Variants in CEMIP observed in about 807,000 individuals in gnomAD.
CEMIP encodes cell migration inducing hyaluronidase 1, also known as cell migration-inducing and hyaluronan-binding protein.
Under a neutral mutation model 156.9 loss-of-function variants are expected in CEMIP, and 105 were observed. The ratio of observed to expected loss-of-function variants is 0.67; its 90% CI spans 0.57 to 0.79. The LOEUF is 0.79. Among genes scored for constraint, CEMIP ranks in the 30% least tolerant of loss-of-function variants. CEMIP has a pLI of 0.00. For missense variants in CEMIP, 1,457 were observed against 1,769.4 expected (o/e 0.82, Z 3.17); for synonymous variants, 676 against 668.4 (o/e 1.01, Z -0.17).
chr15:80,809,916 C>T (rs1896616017), intron 1 of CEMIP, among the ~76,000 whole-genome samples: 1 of 152,194 alleles, frequency 6.6e-6, no homozygotes, highest in Non-Finnish European at 1.5e-5. Context: ...CAGCCAGAGA[C>T]TACTTTCTTC....
At chr15:80,880,677 C>A (rs751135349) in intron 5 of CEMIP, among the ~76,000 whole-genome samples, 5 of 152,202 alleles carry the variant, frequency 3.3e-5, no homozygotes, top group Admixed American at 6.5e-5. Flanking sequence ...CTCAAGTGAT[C>A]TGCCTGTCTC....
intron 9 of CEMIP, 91 bp downstream of exon 9, chr15:80,888,887 A>G (rs1898941557): frequency 1.8e-6 from 2 of 1,109,378 alleles, no homozygotes; most frequent in African/African-American, 3.1e-5. Flanking sequence ...TATCTCTTAT[A>G]CCAGTAGGAC....
intron 28 of CEMIP, among the ~76,000 whole-genome samples, chr15:80,945,131 C>A (rs1901494882): frequency 6.6e-6 from 1 of 152,250 alleles, no homozygotes; most frequent in Non-Finnish European, 1.5e-5. Flanking sequence ...GCTGCTCACA[C>A]CAGAAACATC....
At chr15:80,944,469 G>C (rs1314508545) in intron 28 of CEMIP, among the ~76,000 whole-genome samples, 2 of 151,982 alleles carry the variant, frequency 1.3e-5, no homozygotes, top group Admixed American at 6.5e-5. Flanking sequence ...GCCACAACCT[G>C]GTGGAAAGTC....
rs375813681 is a variant in CEMIP, at chr15:80,931,958, C to T, written c.2712C>T (p.Ser904=). 12 of 1,614,108 alleles carry T rather than the reference C, an allele frequency of 7.4e-6. No individual in the cohort carries two copies. Among genetic ancestry groups the T allele is most frequent in the Admixed American group, 3.3e-5 (2 of 60,010 alleles). Residue 904 remains serine, a synonymous_variant, in exon 22 of 30, where the codon AGC becomes AGT. Transcript: ENST00000394685. ...TGGCCCTGGAGGGCCGGCACACCAG[C>T]GCCCTGGCCTTCCGCCTGAATAATG... ...KFVALEGRHT[S]ALAFRLNNAW... is the part of the protein sequence containing the mutation.
At chr15:80,877,923 T>G (rs1290507191) in intron 3 of CEMIP, among the ~76,000 whole-genome samples, 3 of 152,210 alleles carry the variant, frequency 2.0e-5, no homozygotes, top group African/African-American at 7.2e-5. Flanking sequence ...CTGGCAGCCT[T>G]CCAGACAGCC....
rs1455166292 is a variant in CEMIP, at chr15:80,931,988, G to C, written c.2742G>C (p.Trp914Cys). ...TGGCCTTCCGCCTGAATAATGCCTG[G>C]CAGAGCTGCCCCCATAACAACGTGA... ...SALAFRLNNA[W>C]QSCPHNNVTG... The change falls in exon 22 of 30, where the codon TGG (tryptophan) becomes TGC (cysteine). Residue 914 changes from tryptophan (W) to cysteine (C), a missense_variant. By Grantham distance (215) the Trp-to-Cys change is radical (BLOSUM62 -2). Around this residue, in one of 5 missense-constraint regions of CEMIP, gnomAD observed 798 missense variants for 980.1 expected, o/e 0.81. Transcript: ENST00000394685. The C allele has an allele frequency of 6.2e-7, 1 of 1,614,056 alleles. No individual in the cohort carries two copies. Among genetic ancestry groups the C allele is most frequent in the African/African-American group, 1.3e-5 (1 of 74,946 alleles).
chr15:80,907,288 C>T (rs1336542939), intron 13 of CEMIP, among the ~76,000 whole-genome samples: 2 of 152,216 alleles, frequency 1.3e-5, no homozygotes, highest in Non-Finnish European at 2.9e-5. Flanking sequence ...ATTGGCTGGG[C>T]GTGGTGGCTC....
chr15:80,934,022 GT>G (rs571857287), intron 23 of CEMIP, among the ~76,000 whole-genome samples: 19 of 151,282 alleles, frequency 1.3e-4, no homozygotes, highest in Non-Finnish European at 2.4e-4. Flanking sequence ...AACACTTCTT[GT>G]TTTTTTTCTA....
At chr15:80,874,335 CG>C (rs1347397592) in intron 3 of CEMIP, among the ~76,000 whole-genome samples, 1 of 152,184 alleles carries the variant, frequency 6.6e-6, no homozygotes, top group African/African-American at 2.4e-5. Context: ...ATCGCTACTG[CG>C]GGAAGGTGGA....
intron 1 of CEMIP, among the ~76,000 whole-genome samples, chr15:80,799,724 A>G (rs1218074534): frequency 6.6e-6 from 1 of 152,252 alleles, no homozygotes; most frequent in Non-Finnish European, 1.5e-5. Context: ...ATGCAATGGA[A>G]TATTATTCAG....
chr15:80,888,612 G>A, intron 8 of CEMIP, 89 bp from the exon 9 acceptor site: 1 of 968,474 alleles, frequency 1.0e-6, no homozygotes, highest in South Asian at 1.3e-5. Context: ...CAATGCCCAT[G>A]TGCGTAGGGG....
intron 14 of CEMIP, among the ~76,000 whole-genome samples, chr15:80,914,112 G>GC (rs1900171855): frequency 6.6e-6 from 1 of 152,226 alleles, no homozygotes; most frequent in Non-Finnish European, 1.5e-5. Context: ...CTGTAGGCTG[G>GC]ATAGTGGGGG....
intron 1 of CEMIP, among the ~76,000 whole-genome samples, chr15:80,832,007 T>A (rs1104876): frequency 0.26 from 39,691 of 152,104 alleles, 5,203 homozygotes; most frequent in East Asian, 0.4. Flanking sequence ...TTTCCCATCT[T>A]TTGTCATTCA....
intron 1 of CEMIP, among the ~76,000 whole-genome samples, chr15:80,856,215 G>A (rs1000551283): frequency 6.6e-6 from 1 of 152,156 alleles, no homozygotes; most frequent in Non-Finnish European, 1.5e-5. Flanking sequence ...ATATGCATTT[G>A]TCAAAACTCA....
In CEMIP at chr15:80,802,894, G is replaced by A. The variant is rs1026567832; in HGVS notation, c.-176+23280G>A. On this transcript the variant is annotated intron_variant, in intron 1 of 29. Transcript: ENST00000394685. ...GGTTTTGTAAAGGAATGGTGAGGACGAACTGGGATCTCTTGTCAGAGACAC... is the reference window on the plus strand; with the variant it reads ...GGTTTTGTAAAGGAATGGTGAGGACAAACTGGGATCTCTTGTCAGAGACAC... Among the ~76,000 whole-genome samples, 8 of 152,302 alleles carry A rather than the reference G, an allele frequency of 5.3e-5. No individual in the cohort carries two copies. In the East Asian group the frequency reaches 1.2e-3, roughly 22 times the overall value.
At position 80,889,489 on chromosome 15, in the gene CEMIP, G is replaced by C; in HGVS notation, c.983G>C (p.Trp328Ser). Residue 328 changes from tryptophan (W) to serine (S), a missense_variant, in exon 10 of 30, where the codon TGG becomes TCG. Physicochemically the swap from Trp to Ser is radical, Grantham distance 177 (BLOSUM62 -3). Around this residue, in one of 5 missense-constraint regions of CEMIP, gnomAD observed 280 missense variants for 300.3 expected, o/e 0.93. Coordinates refer to ENST00000394685, the MANE Select transcript of CEMIP (RefSeq NM_001293298.2). ...EWVQDVEWTE[W>S]FDHDKVSQTK... Reference sequence around the variant, plus strand: ...TGCCTAGACGTGGAGTGGACGGAGTGGTTCGATCATGATAAAGTATCTCAG... The same window carrying C: ...TGCCTAGACGTGGAGTGGACGGAGTCGTTCGATCATGATAAAGTATCTCAG... The C allele has an allele frequency of 6.2e-7, 1 of 1,614,002 alleles. No individual in the cohort carries two copies. The highest frequency in any genetic ancestry group is 8.5e-7 in the Non-Finnish European group (1 of 1,179,984).
At chr15:80,892,947 G>A in intron 10 of CEMIP, among the ~76,000 whole-genome samples, 1 of 152,192 alleles carries the variant, frequency 6.6e-6, no homozygotes, top group East Asian at 1.9e-4. Flanking sequence ...AGCACTTTGG[G>A]AGGCCAAAGT....
Position 80,789,457 on chromosome 15 carries a change from C to T in CEMIP, c.-176+9843C>T, listed in dbSNP as rs140491617. Among the ~76,000 whole-genome samples, 962 of 152,276 alleles carry T rather than the reference C, an allele frequency of 6.3e-3. 10 individuals are homozygous for T. The highest frequency in any genetic ancestry group is 0.022 in the African/African-American group (909 of 41,550). ...CACTAGTCTGTGACTGCTTAAGAAGCCACAGAGTTCATCAGATTTCTCAAT... is the reference window on the plus strand; with the variant it reads ...CACTAGTCTGTGACTGCTTAAGAAGTCACAGAGTTCATCAGATTTCTCAAT... On this transcript the variant is annotated intron_variant, in intron 1 of 29. Coordinates refer to ENST00000394685, the MANE Select transcript of CEMIP (RefSeq NM_001293298.2).
Sources: allele counts gnomAD v4.1 joint callset (sites outside exome capture counted in the v4.1 genomes callset), GRCh38; gene constraint gnomAD v4.1.1; regional missense constraint gnomAD v4.1.1; transcripts MANE v1.5; gene names NCBI Gene and HGNC (gene_info 2026-07-23, HGNC 2026-07-21).